The following TMEM184A variants were observed in gnomAD, a reference collection of about 807,000 sequenced individuals.
The protein encoded by TMEM184A is sexually dimorphic, expressed in male gonads 1.
Under a neutral mutation model 39.5 loss-of-function variants are expected in TMEM184A, and 40 were observed. That is an observed-to-expected ratio of 1.01 (90% CI 0.79 to 1.32). TMEM184A has a LOEUF of 1.32. Among genes scored for constraint, TMEM184A ranks in the 40% most tolerant of loss-of-function variants. The pLI is 0.00. For missense variants in TMEM184A, 603 were observed against 568.8 expected, an observed-to-expected ratio of 1.06 and a Z score of -0.61; for synonymous variants, 280 against 252.3, an observed-to-expected ratio of 1.11 and a Z score of -1.04.
Position 1,545,564 on chromosome 7 carries a change from C to A in TMEM184A, c.*1388G>T. On this transcript the variant is annotated 3_prime_UTR_variant, in exon 9 of 9. Transcript: ENST00000297477. ...GTGCCTGAGCCCCCCAGGCCTTGCC[C>A]ACTTCTGCTGCCCCTGCCCCAGCCC... 6.5e-6 allele frequency: 1 copy of A among 153,098 alleles called. No individual in the cohort carries two copies. Among genetic ancestry groups the A allele is most frequent in the Non-Finnish European group, 1.5e-5 (1 of 68,436 alleles). The allele number at this position is 153,098 out of a possible 1,614,324, so 9.5% of individuals were successfully genotyped here.
chr7:1,555,443 G>T lies in TMEM184A; in HGVS notation c.42C>A (p.Pro14=). The change falls in exon 2 of 9, where the codon CCC becomes CCA. Residue 14 remains proline (P), a synonymous_variant. Coordinates refer to ENST00000297477, the MANE Select transcript of TMEM184A (RefSeq NM_001097620.2). This position sits in a 1 kb window ranked among gnomAD's most constrained non-coding sequence, Gnocchi z 5.2. The part of the protein sequence containing the change: ...VSGILETAGV[P]LVSANWPQPS... ...GCTGCGGCCAGTTCGCTGACACCAGGGGGACGCCGGCTGTCTCCAGGATCC... is the reference window on the plus strand; with the variant it reads ...GCTGCGGCCAGTTCGCTGACACCAGTGGGACGCCGGCTGTCTCCAGGATCC... 1.2e-6 allele frequency: 2 copies of T among 1,610,398 alleles called. No individual in the cohort carries two copies. The highest frequency in any genetic ancestry group is 1.7e-6 in the Non-Finnish European group (2 of 1,179,762).
chr7:1,555,614 AC>A lies in TMEM184A; in HGVS notation c.1-131del. ...GAGGCTGAGCCACCCACCAGGCCGC[AC>A]CCCCCACACGGACACCAGCGCCAGG... On this transcript the variant is annotated intron_variant, in intron 1 of 8. Coordinates refer to ENST00000297477, the MANE Select transcript of TMEM184A (RefSeq NM_001097620.2). This position sits in a 1 kb window ranked among gnomAD's most constrained non-coding sequence, Gnocchi z 5.2. 1.4e-6 allele frequency: 1 copy of A among 720,042 alleles called. No individual in the cohort carries two copies. The highest frequency in any genetic ancestry group is 2.4e-6 in the Non-Finnish European group (1 of 411,560). The allele number at this position is 720,042 out of a possible 1,614,324, so 44.6% of individuals were successfully genotyped here.
Position 1,543,103 on chromosome 7 carries a change from C to CT in TMEM184A, c.*3848_*3849insA, listed in dbSNP as rs1238706500. ...GCTTTCTTGGGCCAAGAACCACACCCCCCCCCCAATCCCAGGGGACCCTGC... is the reference window on the plus strand; with the variant it reads ...GCTTTCTTGGGCCAAGAACCACACCCTCCCCCCCAATCCCAGGGGACCCTGC... On this transcript the variant is annotated 3_prime_UTR_variant, in exon 9 of 9. Coordinates refer to ENST00000297477, the MANE Select transcript of TMEM184A (RefSeq NM_001097620.2). 1 of 152,080 alleles carries CT rather than the reference C, an allele frequency of 6.6e-6. No individual in the cohort carries two copies. Among genetic ancestry groups the CT allele is most frequent in the Non-Finnish European group, 1.5e-5 (1 of 67,960 alleles). 9.4% of individuals were successfully genotyped at this position (152,080 alleles called of 1,614,324 possible).
chr7:1,545,116 A>G lies in TMEM184A; in HGVS notation c.*1836T>C. ...CACGGCAAGGGCAGAGCAGGCCTAG[A>G]GCCCAGCCAGTGCCCCCAGCCTCCA... On this transcript the variant is annotated 3_prime_UTR_variant, in exon 9 of 9. Transcript: ENST00000297477. 1 of 152,306 alleles carries G rather than the reference A, an allele frequency of 6.6e-6. No homozygotes were observed. The highest frequency in any genetic ancestry group is 1.5e-5 in the Non-Finnish European group (1 of 68,044). 9.4% of individuals were successfully genotyped at this position (152,306 alleles called of 1,614,324 possible). A position where few individuals can be genotyped will look rare whatever the true frequency, so the allele number is the denominator to read the frequency against.
At chr7:1,553,319 A>G (rs190828743) in intron 2 of TMEM184A, among the ~76,000 whole-genome samples, 3 of 151,894 alleles carry the variant, frequency 2.0e-5, no homozygotes, top group African/African-American at 7.2e-5. Flanking sequence ...TGCCCGGCTA[A>G]TTTTTGTATT....
chr7:1,546,952 C>T lies in TMEM184A; in HGVS notation c.1242G>A (p.Ter414=). 2 of 1,565,060 alleles carry T rather than the reference C, an allele frequency of 1.3e-6. No homozygotes were observed. Among genetic ancestry groups the T allele is most frequent in the Non-Finnish European group, 1.7e-6 (2 of 1,163,548 alleles). The change falls in exon 9 of 9, where the codon TAG becomes TAA. Residue 414 remains the stop codon, a stop_retained_variant. Transcript: ENST00000297477. The stretch of plus-strand genomic sequence containing the variant: ...TACAGCACTGGCAGCCCAGGCCCCC[C>T]TACAGGTCCTCCGAGGGGATCAGCA... ...KRMLIPSEDL[*] is the part of the protein sequence containing the mutation.
At chr7:1,548,013 A>G (rs888727112) in intron 7 of TMEM184A, 74 bp from the exon 8 acceptor site, 1 of 1,481,842 alleles carries the variant, frequency 6.7e-7, no homozygotes, top group African/African-American at 1.4e-5. Context: ...CAGACCCCGC[A>G]GCGGCTCCTC....
intron 2 of TMEM184A, among the ~76,000 whole-genome samples, chr7:1,553,313 C>G (rs375233529): frequency 6.6e-6 from 1 of 151,866 alleles, no homozygotes; most frequent in Non-Finnish European, 1.5e-5. Flanking sequence ...CCACCATGCC[C>G]GGCTAATTTT....
Position 1,549,924 on chromosome 7 carries a change from CCAGGCAGAACTG to C in TMEM184A, c.562_573del (p.Gln188_Leu191del). ...GTGGTGACGGCCATGACGGGCTTCACCAGGCAGAACTGCAGAGTGGCCTGGGGGCGACGGCAC... is the reference window on the plus strand; with the variant it reads ...GTGGTGACGGCCATGACGGGCTTCACCAGAGTGGCCTGGGGGCGACGGCAC... On this transcript the variant is annotated inframe_deletion, in exon 6 of 9. Coordinates refer to ENST00000297477, the MANE Select transcript of TMEM184A (RefSeq NM_001097620.2). 1 of 1,612,800 alleles carries C rather than the reference CCAGGCAGAACTG, an allele frequency of 6.2e-7. No homozygotes were observed. Among genetic ancestry groups the C allele is most frequent in the Non-Finnish European group, 8.5e-7 (1 of 1,179,576 alleles).
chr7:1,542,712 G>A lies in TMEM184A; in HGVS notation c.*4240C>T, dbSNP rs557539077. 5 of 152,662 alleles carry A rather than the reference G, an allele frequency of 3.3e-5. No individual in the cohort carries two copies. Among genetic ancestry groups the A allele is most frequent in the South Asian group, 2.1e-4 (1 of 4,832 alleles). 9.5% of individuals were successfully genotyped at this position (152,662 alleles called of 1,614,324 possible). A position where few individuals can be genotyped will look rare whatever the true frequency, so the allele number is the denominator to read the frequency against. On this transcript the variant is annotated 3_prime_UTR_variant, in exon 9 of 9. Coordinates refer to ENST00000297477, the MANE Select transcript of TMEM184A (RefSeq NM_001097620.2). The stretch of plus-strand genomic sequence containing the variant: ...AAAAAGACGAGGGACTCTTTGTCAC[G>A]TGGGTTTGTTTTCTGTCTCCGTGCC...
intron 7 of TMEM184A, among the ~76,000 whole-genome samples, chr7:1,548,189 G>C (rs1764477377): frequency 6.6e-6 from 1 of 152,220 alleles, no homozygotes; most frequent in African/African-American, 2.4e-5. Flanking sequence ...CCCGTGCCCT[G>C]TCTGGTGGCC....
intron 8 of TMEM184A, 118 bp downstream of exon 8, chr7:1,547,624 C>T: frequency 1.8e-6 from 2 of 1,128,802 alleles, no homozygotes; most frequent in Non-Finnish European, 1.3e-6. Context: ...ATGCCCTTTG[C>T]CCGTCTCCCT....
Position 1,551,055 on chromosome 7 carries a change from G to A in TMEM184A, c.220-73C>T, listed in dbSNP as rs563011627. 2,094 of 1,496,746 alleles carry A rather than the reference G, an allele frequency of 1.4e-3. 7 individuals are homozygous for A. The highest frequency in any genetic ancestry group is 1.7e-3 in the Non-Finnish European group (1,888 of 1,116,332). 92.7% of individuals were successfully genotyped at this position (1,496,746 alleles called of 1,614,324 possible). A position where few individuals can be genotyped will look rare whatever the true frequency, so the allele number is the denominator to read the frequency against. On this transcript the variant is annotated intron_variant, in intron 2 of 8. Coordinates refer to ENST00000297477, the MANE Select transcript of TMEM184A (RefSeq NM_001097620.2). ...TGGACCAGCCCAGGTGAGCCGGGAA[G>A]GAGGTGGGGGTGGGTGCAGGAGGGT...
intron 6 of TMEM184A, 34 bp downstream of exon 6, chr7:1,549,820 C>T (rs1404471074): frequency 6.4e-7 from 1 of 1,558,630 alleles, no homozygotes; most frequent in Admixed American, 1.8e-5. Flanking sequence ...CAGTGCCCAC[C>T]TCATGCCAGG....
At position 1,555,685 on chromosome 7, in the gene TMEM184A, A is replaced by G. The variant is rs1480250285; in HGVS notation, c.1-201T>C. ...CGAGCTCAGCCATCGAAGCTCACCC[A>G]TCAACCACCTGCGACCTGAGGGTCC... On this transcript the variant is annotated intron_variant, in intron 1 of 8. Coordinates refer to ENST00000297477, the MANE Select transcript of TMEM184A (RefSeq NM_001097620.2). The surrounding 1 kb of genome is among the most constrained non-coding windows in gnomAD (Gnocchi z 5.2). Among the ~76,000 whole-genome samples, 1 of 152,114 alleles carries G rather than the reference A, an allele frequency of 6.6e-6. No homozygotes were observed. The highest frequency in any genetic ancestry group is 1.5e-5 in the Non-Finnish European group (1 of 67,982).
intron 6 of TMEM184A, chr7:1,549,638 G>T: frequency 1.5e-6 from 1 of 667,974 alleles, no homozygotes; most frequent in South Asian, 1.5e-5. Context: ...TGTCTTGGGC[G>T]GGGCCCCTAG....
In TMEM184A at chr7:1,555,431, C is replaced by T. The variant is rs889190067; in HGVS notation, c.54G>A (p.Ala18=). The T allele has an allele frequency of 1.7e-5, 27 of 1,610,976 alleles. No individual in the cohort carries two copies. The highest frequency in any genetic ancestry group is 1.9e-5 in the Non-Finnish European group (22 of 1,179,636). ...LETAGVPLVS[A]NWPQPSPPPA... ...GTGGGGGGCTGGGCTGCGGCCAGTT[C>T]GCTGACACCAGGGGGACGCCGGCTG... Residue 18 remains alanine, a synonymous_variant, in exon 2 of 9, where the codon GCG becomes GCA. Transcript: ENST00000297477. This position sits in a 1 kb window ranked among gnomAD's most constrained non-coding sequence, Gnocchi z 5.2.
intron 2 of TMEM184A, among the ~76,000 whole-genome samples, chr7:1,553,815 G>A (rs921844857): frequency 1.3e-5 from 2 of 152,022 alleles, no homozygotes; most frequent in African/African-American, 2.4e-5. Context: ...AAGTGAGGGG[G>A]ATCCAGCCAC....
chr7:1,553,676 C>T (rs1039649082), intron 2 of TMEM184A, among the ~76,000 whole-genome samples: 2 of 152,066 alleles, frequency 1.3e-5, no homozygotes, highest in African/African-American at 4.8e-5. Context: ...ATCAGTCACA[C>T]GCTCCCCGAT....
Sources: allele counts gnomAD v4.1 joint callset (sites outside exome capture counted in the v4.1 genomes callset), GRCh38; gene constraint gnomAD v4.1.1; non-coding constraint Gnocchi (gnomAD v3.1); transcripts MANE v1.5; gene names NCBI Gene and HGNC (gene_info 2026-07-23, HGNC 2026-07-21).